The following ISG15 variants were observed in gnomAD, a reference collection of about 807,000 sequenced individuals.
ISG15 encodes the protein ubiquitin-like protein ISG15.
Under a neutral mutation model 2.4 loss-of-function variants are expected in ISG15, and 2 were observed. The observed-to-expected ratio is 0.82, with a 90% CI of 0.33 to 2.57. The LOEUF (loss-of-function observed/expected upper bound fraction) is 2.57. Ranked by LOEUF, ISG15 falls within the 30% of genes most tolerant of loss-of-function variation. The pLI is 0.11. For synonymous variants in ISG15, 116 were observed against 108.1 expected (o/e 1.07, Z -0.45); for missense variants, 224 against 228.4 (o/e 0.98, Z 0.13).
chr1:1,013,570 A>C lies in ISG15; in HGVS notation c.-4A>C. 1 of 1,613,500 alleles carries C rather than the reference A, an allele frequency of 6.2e-7. No individual in the cohort carries two copies. Among genetic ancestry groups the C allele is most frequent in the Non-Finnish European group, 8.5e-7 (1 of 1,179,880 alleles). On this transcript the variant is annotated 5_prime_UTR_variant, in exon 1 of 2. Transcript: ENST00000649529. The stretch of plus-strand genomic sequence containing the variant: ...CCGTGGCCCACAGCCCACAGCCCAC[A>C]GCCATGGTAAGGCAGATGTCACAGG...
Position 1,013,508 on chromosome 1 carries a change from G to A in ISG15, c.-66G>A. The A allele has an allele frequency of 6.4e-7, 1 of 1,555,560 alleles. No individual in the cohort carries two copies. The highest frequency in any genetic ancestry group is 1.7e-5 in the Admixed American group (1 of 59,954). The stretch of plus-strand genomic sequence containing the variant: ...TGCCTGCCGAAGCCGGCGGCTGAGA[G>A]GCAGCGAACTCATCTTTGCCAGTAC... On this transcript the variant is annotated 5_prime_UTR_variant, in exon 1 of 2. Transcript: ENST00000649529.
rs768591439 is a variant in ISG15 at position 1,014,061 on chromosome 1, G to A, written c.81G>A (p.Glu27=). 6.2e-7 allele frequency: 1 copy of A among 1,613,036 alleles called. No individual in the cohort carries two copies. The highest frequency in any genetic ancestry group is 1.1e-5 in the South Asian group (1 of 91,076). ...VSLSSSMSVS[E]LKAQITQKIG... The stretch of plus-strand genomic sequence containing the variant: ...TGAGCAGCTCCATGTCGGTGTCAGA[G>A]CTGAAGGCGCAGATCACCCAGAAGA... The change falls in exon 2 of 2, where the codon GAG becomes GAA. Residue 27 remains glutamate (E), a synonymous_variant. Coordinates refer to ENST00000649529, the MANE Select transcript of ISG15 (RefSeq NM_005101.4).
At chr1:1,013,848 C>T in intron 1 of ISG15, 136 bp from the exon 2 acceptor site, 1 of 1,253,204 alleles carries the variant, frequency 8.0e-7, no homozygotes, top group Non-Finnish European at 1.1e-6. Flanking sequence ...GCCTGGGGTC[C>T]CTGCCGGCGG....
chr1:1,014,063 T>A lies in ISG15; in HGVS notation c.83T>A (p.Leu28Gln), dbSNP rs1245686232. 1.2e-6 allele frequency: 2 copies of A among 1,612,928 alleles called. No homozygotes were observed. Among genetic ancestry groups the A allele is most frequent in the Admixed American group, 1.7e-5 (1 of 60,004 alleles). Residue 28 changes from leucine (L) to glutamine (Q), a missense_variant, in exon 2 of 2, where the codon CTG becomes CAG. Coordinates refer to ENST00000649529, the MANE Select transcript of ISG15 (RefSeq NM_005101.4). ...SLSSSMSVSE[L>Q]KAQITQKIGV... ...AGCAGCTCCATGTCGGTGTCAGAGC[T>A]GAAGGCGCAGATCACCCAGAAGATC...
Position 1,013,557 on chromosome 1 carries a change from G to T in ISG15, c.-17G>T. The T allele has an allele frequency of 1.2e-6, 2 of 1,612,478 alleles. No individual in the cohort carries two copies. The highest frequency in any genetic ancestry group is 1.7e-6 in the Non-Finnish European group (2 of 1,179,630). ...ACAGGAGCTTGTGCCGTGGCCCACA[G>T]CCCACAGCCCACAGCCATGGTAAGG... On this transcript the variant is annotated 5_prime_UTR_variant, in exon 1 of 2. Coordinates refer to ENST00000649529, the MANE Select transcript of ISG15 (RefSeq NM_005101.4).
chr1:1,014,479 G>A lies in ISG15; in HGVS notation c.*1G>A, dbSNP rs372073347. 36 of 1,599,186 alleles carry A rather than the reference G, an allele frequency of 2.3e-5. No homozygotes were observed. In the African/African-American group the frequency reaches 3.5e-4, roughly 15 times the overall value. On this transcript the variant is annotated 3_prime_UTR_variant, in exon 2 of 2. Coordinates refer to ENST00000649529, the MANE Select transcript of ISG15 (RefSeq NM_005101.4). ...CACAGAGCCTGGCGGGCGGAGCTAA[G>A]GGCCTCCACCAGCATCCGAGCAGGA...
chr1:1,013,497 G>T lies in ISG15; in HGVS notation c.-77G>T. On this transcript the variant is annotated 5_prime_UTR_variant, in exon 1 of 2. Transcript: ENST00000649529. ...AGGGCCGGTGCTGCCTGCCGAAGCC[G>T]GCGGCTGAGAGGCAGCGAACTCATC... 1 of 1,486,700 alleles carries T rather than the reference G, an allele frequency of 6.7e-7. No homozygotes were observed. Among genetic ancestry groups the T allele is most frequent in the Non-Finnish European group, 9.4e-7 (1 of 1,064,016 alleles). The allele number at this position is 1,486,700 out of a possible 1,614,324, so 92.1% of individuals were successfully genotyped here. A position where few individuals can be genotyped will look rare whatever the true frequency, so the allele number is the denominator to read the frequency against.
In ISG15 at chr1:1,014,506, C is replaced by A. The variant is rs181984999; in HGVS notation, c.*28C>A. 4.1e-4 allele frequency: 641 copies of A among 1,570,858 alleles called. 6 individuals are homozygous for A. The highest frequency in any genetic ancestry group is 2.7e-4 in the South Asian group (23 of 86,696). On this transcript the variant is annotated 3_prime_UTR_variant, in exon 2 of 2. Transcript: ENST00000649529. ...GCCTCCACCAGCATCCGAGCAGGAT[C>A]AAGGGCCGGAAATAAAGGCTGTTGT...
chr1:1,013,597 G>C (rs765215109), intron 1 of ISG15, 21 bp downstream of exon 1: 12 of 1,612,202 alleles, frequency 7.4e-6, no homozygotes, highest in Admixed American at 5.0e-5. Context: ...TGTCACAGGT[G>C]GGGGGAGGTG....
intron 1 of ISG15, 41 bp from the exon 2 acceptor site, chr1:1,013,943 G>T: frequency 1.3e-6 from 2 of 1,551,964 alleles, no homozygotes; most frequent in Non-Finnish European, 8.7e-7. Flanking sequence ...GGTGGGCCTG[G>T]GGCTGGCGCC....
rs532313660 is a variant in ISG15 at position 1,014,173 on chromosome 1, C to T, written c.193C>T (p.Leu65=). The change falls in exon 2 of 2, where the codon CTG becomes TTG. Residue 65 remains leucine, a synonymous_variant. Transcript: ENST00000649529. ...QDRVPLASQG[L]GPGSTVLLVV... ...CAGGGTCCCCCTTGCCAGCCAGGGC[C>T]TGGGCCCCGGCAGCACGGTCCTGCT... 73 of 1,612,946 alleles carry T rather than the reference C, an allele frequency of 4.5e-5. No individual in the cohort carries two copies. Among genetic ancestry groups the T allele is most frequent in the Non-Finnish European group, 5.5e-5 (65 of 1,179,516 alleles).
chr1:1,013,614 G>A lies in ISG15; in HGVS notation c.3+38G>A, dbSNP rs763873514. ...TCACAGGTGGGGGGAGGTGGGCTCT[G>A]TGCCAGCCAATTTTCGTCTCCCTCC... On this transcript the variant is annotated intron_variant, in intron 1 of 1. Coordinates refer to ENST00000649529, the MANE Select transcript of ISG15 (RefSeq NM_005101.4). 5.6e-6 allele frequency: 9 copies of A among 1,610,462 alleles called. No homozygotes were observed. The South Asian group carries it at 6.6e-5, about 12-fold the overall frequency.
In ISG15 at chr1:1,013,963, G is replaced by C. The variant is rs371949419; in HGVS notation, c.4-21G>C. 7.4e-4 allele frequency: 1,164 copies of C among 1,577,826 alleles called. 1 individual carries two copies. The highest frequency in any genetic ancestry group is 9.2e-4 in the Non-Finnish European group (1,068 of 1,158,622). The stretch of plus-strand genomic sequence containing the variant: ...GCCTGGGGCTGGCGCCGCAGTCTCT[G>C]AACCTGTGTGACGCCTGCAGGGCTG... On this transcript the variant is annotated intron_variant, in intron 1 of 1. Transcript: ENST00000649529.
rs767636364 is a variant in ISG15, at chr1:1,014,289, C to T, written c.309C>T (p.Thr103=). The part of the protein sequence containing the change: ...SSTYEVRLTQ[T]VAHLKQQVSG... ...CCTACGAGGTACGGCTGACGCAGAC[C>T]GTGGCCCACCTGAAGCAGCAAGTGA... Residue 103 remains threonine, a synonymous_variant, in exon 2 of 2, where the codon ACC becomes ACT. Transcript: ENST00000649529. The T allele has an allele frequency of 5.6e-6, 9 of 1,613,502 alleles. No individual in the cohort carries two copies. The East Asian group carries it at 8.9e-5, about 16-fold the overall frequency.
chr1:1,014,359 G>A lies in ISG15; in HGVS notation c.379G>A (p.Glu127Lys), dbSNP rs672601312. ...GGACGACCTGTTCTGGCTGACCTTC[G>A]AGGGGAAGCCCCTGGAGGACCAGCT... ...VQDDLFWLTF[E>K]GKPLEDQLPL... Residue 127 changes from glutamate (E) to lysine (K), a missense_variant, in exon 2 of 2, where the codon GAG becomes AAG. Transcript: ENST00000649529. 3.1e-6 allele frequency: 5 copies of A among 1,613,522 alleles called. No homozygotes were observed. Among genetic ancestry groups the A allele is most frequent in the Middle Eastern group, 1.7e-4 (1 of 6,060 alleles).
At chr1:1,013,608 G>A in intron 1 of ISG15, 32 bp downstream of exon 1, 2 of 1,611,994 alleles carry the variant, frequency 1.2e-6, no homozygotes, top group Non-Finnish European at 1.7e-6. Flanking sequence ...GGGGGAGGTG[G>A]GCTCTGTGCC....
At position 1,014,097 on chromosome 1, in the gene ISG15, C is replaced by A; in HGVS notation, c.117C>A (p.His39Gln). Residue 39 changes from histidine (H) to glutamine (Q), a missense_variant, in exon 2 of 2, where the codon CAC becomes CAA. Physicochemically the swap from His to Gln is conservative, Grantham distance 24. Coordinates refer to ENST00000649529, the MANE Select transcript of ISG15 (RefSeq NM_005101.4). ...AGATCACCCAGAAGATCGGCGTGCA[C>A]GCCTTCCAGCAGCGTCTGGCTGTCC... ...KAQITQKIGV[H>Q]AFQQRLAVHP... 6.2e-7 allele frequency: 1 copy of A among 1,613,198 alleles called. No individual in the cohort carries two copies. The highest frequency in any genetic ancestry group is 8.5e-7 in the Non-Finnish European group (1 of 1,179,698).
rs201328791 is a variant in ISG15, at chr1:1,014,513, C to T, written c.*35C>T. On this transcript the variant is annotated 3_prime_UTR_variant, in exon 2 of 2. Coordinates refer to ENST00000649529, the MANE Select transcript of ISG15 (RefSeq NM_005101.4). ...CCAGCATCCGAGCAGGATCAAGGGC[C>T]GGAAATAAAGGCTGTTGTAAAGAGA... 125 of 1,561,228 alleles carry T rather than the reference C, an allele frequency of 8.0e-5. No individual in the cohort carries two copies. The highest frequency in any genetic ancestry group is 5.1e-4 in the Middle Eastern group (3 of 5,846).
At position 1,014,022 on chromosome 1, in the gene ISG15, A is replaced by T. The variant is rs1490573641; in HGVS notation, c.42A>T (p.Glu14Asp). ...CGGTGAAGATGCTGGCGGGCAACGAATTCCAGGTGTCCCTGAGCAGCTCCA... is the reference window on the plus strand; with the variant it reads ...CGGTGAAGATGCTGGCGGGCAACGATTTCCAGGTGTCCCTGAGCAGCTCCA... Reference protein sequence around the residue: ...DLTVKMLAGNEFQVSLSSSMS... With the variant: ...DLTVKMLAGNDFQVSLSSSMS... The change falls in exon 2 of 2, where the codon GAA (glutamate) becomes GAT (aspartate). Residue 14 changes from glutamate to aspartate, a missense_variant. Transcript: ENST00000649529. 1 of 1,604,890 alleles carries T rather than the reference A, an allele frequency of 6.2e-7. No homozygotes were observed. The highest frequency in any genetic ancestry group is 1.1e-5 in the South Asian group (1 of 90,898).
Sources: allele counts gnomAD v4.1 joint callset, GRCh38; gene constraint gnomAD v4.1.1; transcripts MANE v1.5; gene names NCBI Gene and HGNC (gene_info 2026-07-23, HGNC 2026-07-21).